Variants in SORCS1 observed in about 807,000 individuals in gnomAD.
SORCS1 encodes VPS10 domain-containing receptor SorCS1.
In SORCS1, 60 loss-of-function variants were observed where a neutral mutation model predicts 146.1. The ratio of observed to expected loss-of-function variants is 0.41; its 90% CI spans 0.33 to 0.51. The LOEUF (loss-of-function observed/expected upper bound fraction) is 0.51. Ranked by LOEUF, SORCS1 falls within the 20% of genes least tolerant of loss-of-function variation. SORCS1 has a pLI of 0.21. For synonymous variants in SORCS1, 637 were observed against 584.0 expected (o/e 1.09, Z -1.31); for missense variants, 1,352 against 1,487.6 (o/e 0.91, Z 1.50).
Position 106,579,473 on chromosome 10 carries a change from G to A in SORCS1, c.3267C>T (p.Ala1089=). Residue 1089 remains alanine, a splice_region_variant and synonymous_variant, in exon 25 of 26, where the codon GCC becomes GCT. Coordinates refer to ENST00000263054, the MANE Select transcript of SORCS1 (RefSeq NM_052918.5). ...VLVHAAHLTA[A]PLVDLTPTHS... is the part of the protein sequence containing the mutation. ...GGGTTGGAGTGAGGTCCACCAGGGG[G>A]GCTTGTGGGGGAAACAGAGCAGAGA... is the stretch of plus-strand genomic sequence containing the variant. The A allele has an allele frequency of 1.2e-6, 2 of 1,613,554 alleles. No homozygotes were observed. The highest frequency in any genetic ancestry group is 1.7e-6 in the Non-Finnish European group (2 of 1,179,824).
intron 1 of SORCS1, among the ~76,000 whole-genome samples, chr10:107,035,554 T>C (rs1958871367): frequency 6.6e-6 from 1 of 152,260 alleles, no homozygotes; most frequent in African/African-American, 2.4e-5. Flanking sequence ...CTATGTATAG[T>C]GTTAAATCAT....
intron 17 of SORCS1, among the ~76,000 whole-genome samples, chr10:106,657,853 A>C (rs1850426077): frequency 6.6e-6 from 1 of 151,998 alleles, no homozygotes; most frequent in South Asian, 2.1e-4. Flanking sequence ...ATTAGGGATA[A>C]TTATGGAATC....
chr10:107,017,421 A>G (rs1258445229), intron 1 of SORCS1, among the ~76,000 whole-genome samples: 2 of 152,258 alleles, frequency 1.3e-5, no homozygotes, highest in Admixed American at 6.5e-5. Flanking sequence ...AATAGTGTGT[A>G]TAATTCTATT....
intron 23 of SORCS1, among the ~76,000 whole-genome samples, chr10:106,598,794 G>C (rs985917963): frequency 6.6e-6 from 1 of 151,904 alleles, no homozygotes; most frequent in Non-Finnish European, 1.5e-5. Context: ...TGATGGCTTA[G>C]TTTGGAAACA....
At chr10:107,038,701 G>GA (rs979709073) in intron 1 of SORCS1, among the ~76,000 whole-genome samples, 1 of 19,416 alleles carries the variant, frequency 5.2e-5, no homozygotes, top group African/African-American at 4.4e-4. Context: ...GGGGGCGGGG[G>GA]GGGAGGTGGT....
At chr10:107,097,855 T>C (rs1964644624) in intron 1 of SORCS1, among the ~76,000 whole-genome samples, 1 of 152,204 alleles carries the variant, frequency 6.6e-6, no homozygotes, top group Non-Finnish European at 1.5e-5. Flanking sequence ...CATTTGAGTG[T>C]GCCATCTCTT....
chr10:106,865,170 C>T (rs1472314887), intron 2 of SORCS1, among the ~76,000 whole-genome samples: 1 of 151,230 alleles, frequency 6.6e-6, no homozygotes, highest in Non-Finnish European at 1.5e-5. Context: ...GGCCAGACTG[C>T]TTTTTAAGCG....
intron 2 of SORCS1, among the ~76,000 whole-genome samples, chr10:106,950,820 T>C (rs61867198): frequency 0.021 from 3,226 of 152,158 alleles, 46 homozygotes; most frequent in Non-Finnish European, 0.033. Context: ...GGGCACACCA[T>C]AAAAATGAAT....
chr10:107,020,451 G>A (rs990901340), intron 1 of SORCS1, among the ~76,000 whole-genome samples: 18 of 152,300 alleles, frequency 1.2e-4, no homozygotes, highest in South Asian at 4.1e-4. Flanking sequence ...ACTTTTGTTC[G>A]TATAGATGTT....
chr10:106,589,665 C>T (rs1845476819), intron 24 of SORCS1, among the ~76,000 whole-genome samples: 1 of 129,306 alleles, frequency 7.7e-6, no homozygotes, highest in Admixed American at 8.7e-5. Flanking sequence ...TCCAACCCAA[C>T]ATGAACCACC....
At chr10:107,080,652 C>T (rs1963261983) in intron 1 of SORCS1, among the ~76,000 whole-genome samples, 1 of 152,298 alleles carries the variant, frequency 6.6e-6, no homozygotes, top group Middle Eastern at 3.4e-3. Context: ...GCACTTCCAT[C>T]AGAGACATTT....
intron 5 of SORCS1, among the ~76,000 whole-genome samples, chr10:106,760,165 C>T (rs951758895): frequency 1.3e-5 from 2 of 152,050 alleles, no homozygotes; most frequent in African/African-American, 2.4e-5. Context: ...GAGGAAGAGG[C>T]CGGGCGTGAT....
intron 6 of SORCS1, among the ~76,000 whole-genome samples, chr10:106,711,775 T>A (rs1451637816): frequency 6.6e-6 from 1 of 152,194 alleles, no homozygotes; most frequent in Non-Finnish European, 1.5e-5. Flanking sequence ...GAACACAGGA[T>A]CTTTTTCCTT....
intron 23 of SORCS1, among the ~76,000 whole-genome samples, chr10:106,606,739 A>C (rs1846621173): frequency 6.6e-6 from 1 of 152,166 alleles, no homozygotes; most frequent in African/African-American, 2.4e-5. Context: ...GGAAGGACCC[A>C]GTGGGAGGTA....
intron 2 of SORCS1, among the ~76,000 whole-genome samples, chr10:106,900,886 G>A (rs543310361): frequency 5.9e-5 from 9 of 152,160 alleles, no homozygotes; most frequent in East Asian, 3.9e-4. Context: ...GTTAAAATTC[G>A]GTAAATTTAG....
At chr10:106,884,378 T>G (rs755646378) in intron 2 of SORCS1, among the ~76,000 whole-genome samples, 3 of 152,202 alleles carry the variant, frequency 2.0e-5, no homozygotes, top group Non-Finnish European at 4.4e-5. Flanking sequence ...TTGTCTTATA[T>G]TCTGGGAAAG....
At chr10:106,881,009 G>T (rs1477766764) in intron 2 of SORCS1, among the ~76,000 whole-genome samples, 2 of 149,632 alleles carry the variant, frequency 1.3e-5, no homozygotes, top group African/African-American at 5.0e-5. Flanking sequence ...CCCAGGAGGT[G>T]GAGCTTTCAG....
At chr10:107,141,678 G>C (rs1401084171) in intron 1 of SORCS1, among the ~76,000 whole-genome samples, 1 of 152,120 alleles carries the variant, frequency 6.6e-6, no homozygotes, top group African/African-American at 2.4e-5. Context: ...GGCCCTAATT[G>C]GGTCTATTTT....
At chr10:106,940,480 C>T (rs1339856625) in intron 2 of SORCS1, among the ~76,000 whole-genome samples, 1 of 152,190 alleles carries the variant, frequency 6.6e-6, no homozygotes, top group Non-Finnish European at 1.5e-5. Context: ...AAAGTGCTTA[C>T]AATTCAAACC....
Sources: allele counts gnomAD v4.1 joint callset (sites outside exome capture counted in the v4.1 genomes callset), GRCh38; gene constraint gnomAD v4.1.1; transcripts MANE v1.5; gene names NCBI Gene and HGNC (gene_info 2026-07-23, HGNC 2026-07-21).